Variants in DHX37 observed in about 807,000 individuals in gnomAD.
DHX37 encodes the protein DEAH-box helicase 37.
A neutral mutation model predicts 134.3 loss-of-function variants in DHX37; 52 were observed. The observed-to-expected ratio is 0.39, with a 90% CI of 0.31 to 0.49. DHX37 has a LOEUF of 0.49. DHX37 is among the 20% of genes least tolerant of loss of function. The pLI is 0.93. For synonymous variants in DHX37, 634 were observed against 670.7 expected, an observed-to-expected ratio of 0.95 and a Z score of 0.85; for missense variants, 1,344 against 1,580.8, an observed-to-expected ratio of 0.85 and a Z score of 2.54.
intron 18 of DHX37, among the ~76,000 whole-genome samples, chr12:124,954,711 T>C (rs1007181055): frequency 1.3e-5 from 2 of 152,148 alleles, no homozygotes; most frequent in African/African-American, 2.4e-5. Flanking sequence ...GCACCATTTT[T>C]AGGTAATAAA....
At chr12:124,986,040 C>A in intron 2 of DHX37, 56 bp downstream of exon 2, 1 of 1,576,548 alleles carries the variant, frequency 6.3e-7, no homozygotes, top group South Asian at 1.1e-5. Context: ...AGAGAGACCC[C>A]CCATCTCTCT....
Position 124,948,007 on chromosome 12 carries a change from C to G in DHX37, c.3388+77G>C, listed in dbSNP as rs115234536. 2.7e-4 allele frequency: 440 copies of G among 1,613,754 alleles called. 3 individuals carry two copies. The African/African-American group carries it at 5.4e-3, about 20-fold the overall frequency. On this transcript the variant is annotated intron_variant, in intron 26 of 26. Transcript: ENST00000308736. The stretch of plus-strand genomic sequence containing the variant: ...ATCCTTCTGCCAAGCCAGGGCTGAC[C>G]GTGCACAAAGCACAAAGCCCCTGCC...
At chr12:124,957,936 A>G (rs553891405) in intron 16 of DHX37, among the ~76,000 whole-genome samples, 1 of 152,370 alleles carries the variant, frequency 6.6e-6, no homozygotes, top group South Asian at 2.1e-4. Flanking sequence ...TGAAGCAGCG[A>G]CACGCGCTAC....
In DHX37 at chr12:124,986,087, G is replaced by C; in HGVS notation, c.276+9C>G. On this transcript the variant is annotated intron_variant, in intron 2 of 26. Transcript: ENST00000308736. ...AGCCACTTGCAGACCCTGCCCGAGT[G>C]GGGTGTACCTGGCTCTTTTTCTCCT... 1 of 1,613,204 alleles carries C rather than the reference G, an allele frequency of 6.2e-7. No individual in the cohort carries two copies. The highest frequency in any genetic ancestry group is 1.3e-5 in the African/African-American group (1 of 74,862).
Position 124,963,632 on chromosome 12 carries a change from G to A in DHX37, c.2045+762C>T, listed in dbSNP as rs935770840. Among the ~76,000 whole-genome samples the A allele has an allele frequency of 5.9e-5, 9 of 151,950 alleles. No individual in the cohort carries two copies. In the South Asian group the frequency reaches 6.2e-4, roughly 11 times the overall value. Reference sequence around the variant, plus strand: ...CGCCTGTGATCCCAACACTTTGGGAGGCCGAGGCGGGTGGATCACGAGGTC... The same window carrying A: ...CGCCTGTGATCCCAACACTTTGGGAAGCCGAGGCGGGTGGATCACGAGGTC... On this transcript the variant is annotated intron_variant, in intron 15 of 26. Transcript: ENST00000308736.
In DHX37 at chr12:124,948,105, C is replaced by T. The variant is rs1489928629; in HGVS notation, c.3367G>A (p.Ala1123Thr). 3 of 1,614,132 alleles carry T rather than the reference C, an allele frequency of 1.9e-6. No individual in the cohort carries two copies. Among genetic ancestry groups the T allele is most frequent in the Admixed American group, 3.3e-5 (2 of 60,010 alleles). The change falls in exon 26 of 27, where the codon GCT becomes ACT. Residue 1123 changes from alanine (A) to threonine (T), a missense_variant. Physicochemically the swap from Ala to Thr is moderately conservative, Grantham distance 58. Transcript: ENST00000308736. ...TCACATTTGGGGTTTTTCTTCCAAG[C>T]AGCCAGCAAGGCTTCATGGCAGTCA... ...KADCHEALLA[A>T]WKKNPKYLLA...
At chr12:124,978,791 G>C (rs111975283) in intron 4 of DHX37, among the ~76,000 whole-genome samples, 6,540 of 151,454 alleles carry the variant, frequency 0.043, 476 homozygotes, top group African/African-American at 0.15. Context: ...AGTTAGCCAG[G>C]CATGGTGGCA....
At chr12:124,966,658 C>T in intron 12 of DHX37, 135 bp downstream of exon 12, 6 of 935,132 alleles carry the variant, frequency 6.4e-6, no homozygotes, top group Non-Finnish European at 9.8e-6. Context: ...GCCACTGTGC[C>T]TGACCAGGAA....
Position 124,968,553 on chromosome 12 carries a change from G to A in DHX37, c.1389C>T (p.Ile463=), listed in dbSNP as rs1009655253. The A allele has an allele frequency of 6.2e-7, 1 of 1,613,558 alleles. No individual in the cohort carries two copies. The highest frequency in any genetic ancestry group is 8.5e-7 in the Non-Finnish European group (1 of 1,180,058). The change falls in exon 10 of 27, where the codon ATC becomes ATT. Residue 463 remains isoleucine, a synonymous_variant. Transcript: ENST00000308736. ...SGECFRKVCK[I]HRMLPAGGIL... Reference sequence around the variant, plus strand: ...CCTCACCTGCGGGCAGCATCCGGTGGATCTTGCAGACCTTCCGGAAGCACT... The same window carrying A: ...CCTCACCTGCGGGCAGCATCCGGTGAATCTTGCAGACCTTCCGGAAGCACT...
rs552470320 is a variant in DHX37 at position 124,957,353 on chromosome 12, G to A, written c.2158-218C>T. ...ACCTCATCCATTCACTCAAAAACACGTCCCAAGCACTGGCTAGGCACTGAG... is the reference window on the plus strand; with the variant it reads ...ACCTCATCCATTCACTCAAAAACACATCCCAAGCACTGGCTAGGCACTGAG... On this transcript the variant is annotated intron_variant, in intron 16 of 26. Coordinates refer to ENST00000308736, the MANE Select transcript of DHX37 (RefSeq NM_032656.4). Among the ~76,000 whole-genome samples the A allele has an allele frequency of 1.3e-4, 20 of 152,238 alleles. No homozygotes were observed. In the East Asian group the frequency reaches 3.3e-3, roughly 25 times the overall value.
Position 124,957,003 on chromosome 12 carries a change from C to T in DHX37, c.2264+26G>A, listed in dbSNP as rs200301034. On this transcript the variant is annotated intron_variant, in intron 17 of 26. Transcript: ENST00000308736. ...GAGAGGGCCCTGAACGGGGCAGGAA[C>T]TGGGCTCTGCATCTCTTGGCCTTAC... is the stretch of plus-strand genomic sequence containing the variant. The T allele has an allele frequency of 5.0e-5, 76 of 1,525,430 alleles. No individual in the cohort carries two copies. The Admixed American group carries it at 9.8e-4, about 20-fold the overall frequency. 94.5% of individuals were successfully genotyped at this position (1,525,430 alleles called of 1,614,324 possible). A position where few individuals can be genotyped will look rare whatever the true frequency, so the allele number is the denominator to read the frequency against.
rs1954460135 is a variant in DHX37, at chr12:124,968,984, C to A, written c.1192-16G>T. ...GCAGGTTCCTCTGCAAAAGGACAGG[C>A]TCAGTGACCGTGGCCCCAGGACCGC... On this transcript the variant is annotated splice_polypyrimidine_tract_variant and intron_variant, in intron 8 of 26. Coordinates refer to ENST00000308736, the MANE Select transcript of DHX37 (RefSeq NM_032656.4). 4 of 1,611,264 alleles carry A rather than the reference C, an allele frequency of 2.5e-6. No individual in the cohort carries two copies. Among genetic ancestry groups the A allele is most frequent in the East Asian group, 2.2e-5 (1 of 44,724 alleles).
chr12:124,982,996 C>T (rs1384719081), intron 2 of DHX37, among the ~76,000 whole-genome samples: 7 of 152,158 alleles, frequency 4.6e-5, no homozygotes, highest in South Asian at 2.1e-4. Context: ...AATTGGTCCC[C>T]GAGCTACCCT....
chr12:124,947,334 G>T lies in DHX37; in HGVS notation c.*468C>A, dbSNP rs1209437717. On this transcript the variant is annotated 3_prime_UTR_variant, in exon 27 of 27. Coordinates refer to ENST00000308736, the MANE Select transcript of DHX37 (RefSeq NM_032656.4). Reference sequence around the variant, plus strand: ...CCAGGCCCCTCAAGGTCAACACAGAGCTCAGTGGCTCACCTAACATCTGGG... The same window carrying T: ...CCAGGCCCCTCAAGGTCAACACAGATCTCAGTGGCTCACCTAACATCTGGG... 6 of 154,194 alleles carry T rather than the reference G, an allele frequency of 3.9e-5. No individual in the cohort carries two copies. In the South Asian group the frequency reaches 1.0e-3, roughly 26 times the overall value. 9.6% of individuals were successfully genotyped at this position (154,194 alleles called of 1,614,324 possible). A position where few individuals can be genotyped will look rare whatever the true frequency, so the allele number is the denominator to read the frequency against.
chr12:124,960,642 T>C (rs536410167), intron 15 of DHX37, among the ~76,000 whole-genome samples: 1 of 152,274 alleles, frequency 6.6e-6, no homozygotes, highest in South Asian at 2.1e-4. Context: ...CGTAAGGAAT[T>C]GGTGAAAATT....
rs1314410735 is a variant in DHX37, at chr12:124,946,846, T to C, written c.*956A>G. On this transcript the variant is annotated 3_prime_UTR_variant, in exon 27 of 27. Coordinates refer to ENST00000308736, the MANE Select transcript of DHX37 (RefSeq NM_032656.4). ...CAATCTGGGTGCAAGGAACATTTTA[T>C]TCCATAACTGTCTCCACCGAAGCCG... The C allele has an allele frequency of 6.6e-6, 1 of 152,260 alleles. No individual in the cohort carries two copies. The highest frequency in any genetic ancestry group is 1.5e-5 in the Non-Finnish European group (1 of 68,082). The allele number at this position is 152,260 out of a possible 1,614,324, so 9.4% of individuals were successfully genotyped here.
chr12:124,977,020 G>A lies in DHX37; in HGVS notation c.887+322C>T, dbSNP rs114151682. Among the ~76,000 whole-genome samples, 803 of 149,716 alleles carry A rather than the reference G, an allele frequency of 5.4e-3. 8 individuals are homozygous for A. Among genetic ancestry groups the A allele is most frequent in the African/African-American group, 0.019 (763 of 40,454 alleles). ...AATATCACACCACTGTACTCCAGCC[G>A]GGGTGACACAGCGAGACGCTGTCTC... On this transcript the variant is annotated intron_variant, in intron 5 of 26. Coordinates refer to ENST00000308736, the MANE Select transcript of DHX37 (RefSeq NM_032656.4).
intron 20 of DHX37, chr12:124,953,633 G>T: frequency 1.7e-6 from 1 of 588,892 alleles, no homozygotes; most frequent in Non-Finnish European, 2.8e-6. Context: ...CAGGGAAAAG[G>T]TGAAACCGAG....
intron 16 of DHX37, 131 bp downstream of exon 16, chr12:124,960,181 G>A (rs1176471149): frequency 7.6e-6 from 11 of 1,450,450 alleles, no homozygotes; most frequent in Non-Finnish European, 1.0e-5. Context: ...GGGAGCACCT[G>A]CTGATGCACT....
Sources: gnomAD v4.1 joint callset for allele counts (sites outside exome capture counted in the v4.1 genomes callset) on GRCh38, gnomAD v4.1.1 for gene constraint, MANE v1.5 for transcripts, NCBI Gene and HGNC (gene_info 2026-07-23, HGNC 2026-07-21) for gene names.